RNASE11: variants seen among roughly 807,000 people sequenced by gnomAD.
The protein encoded by RNASE11 is ribonuclease A family member 11 (inactive).
For synonymous variants in RNASE11, 105 were observed against 86.1 expected, an observed-to-expected ratio of 1.22 and a Z score of -1.21; for missense variants, 252 against 237.8, an observed-to-expected ratio of 1.06 and a Z score of -0.39.
upstream of RNASE11, among the ~76,000 whole-genome samples, chr14:20,589,298 C>T (rs1033436847): frequency 1.3e-5 from 2 of 149,578 alleles, no homozygotes; most frequent in Non-Finnish European, 3.0e-5. Context: ...TCTGCCGCCC[C>T]GGCTGGAGTG....
intron 1 of RNASE11, among the ~76,000 whole-genome samples, chr14:20,587,223 C>T (rs983753945): frequency 2.6e-5 from 4 of 151,952 alleles, no homozygotes; most frequent in Non-Finnish European, 5.9e-5. Flanking sequence ...ACACACACAC[C>T]CAAACTACGA....
chr14:20,584,437 A>T, exon 2 of RNASE11: 1 of 1,608,554 alleles, frequency 6.2e-7, no homozygotes, highest in Middle Eastern at 1.7e-4. Context: ...TGCAAGAACC[A>T]GGCCCAGGCT....
chr14:20,587,940 G>C, upstream of RNASE11: 1 of 762,660 alleles, frequency 1.3e-6, no homozygotes, highest in Non-Finnish European at 1.6e-6. Context: ...GATCAGGACA[G>C]AGAGTGCTCT....
chr14:20,585,714 G>A (rs1884420781), intron 1 of RNASE11, among the ~76,000 whole-genome samples: 1 of 152,142 alleles, frequency 6.6e-6, no homozygotes, highest in African/African-American at 2.4e-5. Flanking sequence ...ATTCAAGTGG[G>A]CAGCATTCAT....
At chr14:20,588,818 G>T (rs1267311650), upstream of RNASE11, among the ~76,000 whole-genome samples, 1 of 152,122 alleles carries the variant, frequency 6.6e-6, no homozygotes, top group Non-Finnish European at 1.5e-5. Flanking sequence ...ACAGAGTCTT[G>T]CTCTGTTGCC....
chr14:20,583,815 A>G, exon 2 of RNASE11: 1 of 1,500,486 alleles, frequency 6.7e-7, no homozygotes, highest in Non-Finnish European at 9.0e-7. Context: ...AGGTTTAAAC[A>G]AGAATGAACA....
chr14:20,589,371 A>G (rs1309581584), upstream of RNASE11, among the ~76,000 whole-genome samples: 3 of 150,038 alleles, frequency 2.0e-5, no homozygotes, highest in East Asian at 2.0e-4. Context: ...CTCTTGCCTC[A>G]GCCTCCGGAG....
At chr14:20,584,221 T>C (rs1437789535) in exon 2 of RNASE11, 5 of 1,614,186 alleles carry the variant, frequency 3.1e-6, no homozygotes, top group Non-Finnish European at 4.2e-6. Flanking sequence ...TCCCTTGGGG[T>C]CATTATAATG....
exon 2 of RNASE11, chr14:20,584,316 C>A: frequency 6.2e-7 from 1 of 1,614,146 alleles, no homozygotes; most frequent in Non-Finnish European, 8.5e-7. Flanking sequence ...GGATCGGGTT[C>A]ATTAATATCT....
At chr14:20,583,807 G>T in exon 2 of RNASE11, 2 of 1,481,408 alleles carry the variant, frequency 1.4e-6, no homozygotes, top group South Asian at 1.3e-5. Context: ...TTAAGGAAAG[G>T]TTTAAACAAG....
chr14:20,589,675 T>C (rs1239093350), upstream of RNASE11, among the ~76,000 whole-genome samples: 4 of 151,534 alleles, frequency 2.6e-5, no homozygotes, highest in Non-Finnish European at 4.4e-5. Context: ...TCACCTGAGG[T>C]CAGGAGTTTG....
exon 2 of RNASE11, chr14:20,584,121 A>G (rs759679969): frequency 1.2e-6 from 2 of 1,614,138 alleles, no homozygotes; most frequent in Admixed American, 3.3e-5. Context: ...GGATGAAGTT[A>G]TTGCTCCACT....
At chr14:20,590,202 G>T, upstream of RNASE11, 2 of 1,546,484 alleles carry the variant, frequency 1.3e-6, no homozygotes, top group South Asian at 2.5e-5. Flanking sequence ...CCATGTCCAC[G>T]GTCCAGGTCT....
chr14:20,589,143 AC>A (rs1443820014), upstream of RNASE11, among the ~76,000 whole-genome samples: 3 of 142,548 alleles, frequency 2.1e-5, no homozygotes, highest in Non-Finnish European at 3.1e-5. Context: ...AATTTTAAAT[AC>A]CAGGATCTGG....
chr14:20,584,101 G>A lies in RNASE11; in HGVS notation c.374C>T (p.Thr125Ile), dbSNP rs776655516. 18 of 1,614,032 alleles carry A rather than the reference G, an allele frequency of 1.1e-5. No homozygotes were observed. The South Asian group carries it at 1.2e-4, about 11-fold the overall frequency. ...CCTGTGGACCCTGCGCATCACTTCTGTGGAGCTGCGGATGAAGTTATTGCT... is the reference window on the plus strand; with the variant it reads ...CCTGTGGACCCTGCGCATCACTTCTATGGAGCTGCGGATGAAGTTATTGCT... Residue 125 changes from threonine (T) to isoleucine (I), a missense_variant, in exon 2 of 2, where the codon ACA (threonine) becomes ATA (isoleucine). By Grantham distance (89) the Thr-to-Ile change is moderately conservative. Coordinates refer to ENST00000553849, the Ensembl canonical transcript of RNASE11.
At chr14:20,583,882 T>C in exon 2 of RNASE11, 2 of 1,607,142 alleles carry the variant, frequency 1.2e-6, no homozygotes, top group African/African-American at 2.7e-5. Flanking sequence ...GATTTACAAC[T>C]TAGAGCCACA....
In RNASE11 at chr14:20,584,006, C is replaced by T. The variant is rs1178634040; in HGVS notation, c.469G>A (p.Val157Met). 4.3e-6 allele frequency: 7 copies of T among 1,614,076 alleles called. No homozygotes were observed. Among genetic ancestry groups the T allele is most frequent in the African/African-American group, 2.7e-5 (2 of 74,926 alleles). Reference sequence around the variant, plus strand: ...TGTTTGCCTGTAGTGAACTGGCACACTGTATTTTCCAGTTCTAGGCTCTCA... The same window carrying T: ...TGTTTGCCTGTAGTGAACTGGCACATTGTATTTTCCAGTTCTAGGCTCTCA... The change falls in exon 2 of 2, where the codon GTG (valine) becomes ATG (methionine). Residue 157 changes from valine (V) to methionine (M), a missense_variant. Val to Met is a conservative substitution (Grantham distance 21). Coordinates refer to ENST00000553849, the Ensembl canonical transcript of RNASE11.
intron 1 of RNASE11, 135 bp from the exon 3 acceptor site, chr14:20,584,631 T>TATA: frequency 1.6e-6 from 1 of 615,476 alleles, no homozygotes; most frequent in South Asian, 2.9e-5. Flanking sequence ...GGAACTATGA[T>TATA]ATAATAGAAA....
intron 1 of RNASE11, chr14:20,584,930 G>T (rs1472173440): frequency 3.5e-6 from 1 of 285,836 alleles, no homozygotes; most frequent in Non-Finnish European, 5.2e-6. Context: ...CCTGGCACAT[G>T]GTAGCCACTC....
Sources: gnomAD v4.1 joint callset for allele counts (sites outside exome capture counted in the v4.1 genomes callset) on GRCh38, gnomAD v4.1.1 for gene constraint, MANE v1.5 for transcripts, NCBI Gene and HGNC (gene_info 2026-07-23, HGNC 2026-07-21) for gene names.